The following KCNIP1 variants were observed in gnomAD, a reference collection of about 807,000 sequenced individuals.
The protein encoded by KCNIP1 is potassium voltage-gated channel interacting protein 1, also known as A-type potassium channel modulatory protein KCNIP1.
In KCNIP1, 18 loss-of-function variants were observed where a neutral mutation model predicts 33.0. That is an observed-to-expected ratio of 0.55 (90% CI 0.38 to 0.81). The LOEUF is 0.81. Ranked by LOEUF, KCNIP1 falls within the 30% of genes least tolerant of loss-of-function variation. The probability of loss-of-function intolerance (pLI) is 0.00; values close to 1 mark genes in which losing one functional copy is unlikely to be tolerated. For synonymous variants in KCNIP1, 93 were observed against 98.3 expected (o/e 0.95, Z 0.32); for missense variants, 238 against 271.6 (o/e 0.88, Z 0.87).
chr5:170,619,297 G>A (rs762400711), intron 1 of KCNIP1, among the ~76,000 whole-genome samples: 1 of 152,174 alleles, frequency 6.6e-6, no homozygotes. Flanking sequence ...TTCACAGCCT[G>A]TCTCTGGTCA....
chr5:170,508,707 C>G (rs1754812540), intron 1 of KCNIP1, among the ~76,000 whole-genome samples: 1 of 152,196 alleles, frequency 6.6e-6, no homozygotes. Context: ...CTCTCCCACC[C>G]CACCCCTTGC....
chr5:170,665,183 T>A (rs1038756630), intron 1 of KCNIP1, among the ~76,000 whole-genome samples: 6 of 152,214 alleles, frequency 3.9e-5, no homozygotes, highest in African/African-American at 1.4e-4. Flanking sequence ...ACAGACCCAG[T>A]GGCTTATTGA....
intron 1 of KCNIP1, among the ~76,000 whole-genome samples, chr5:170,496,244 G>A (rs185281782): frequency 1.3e-5 from 2 of 152,316 alleles, no homozygotes; most frequent in African/African-American, 4.8e-5. Flanking sequence ...AAGGGCTGGG[G>A]ACCCTTGTCC....
At chr5:170,658,825 T>C (rs1179594955) in intron 1 of KCNIP1, among the ~76,000 whole-genome samples, 1 of 152,170 alleles carries the variant, frequency 6.6e-6, no homozygotes, top group African/African-American at 2.4e-5. Flanking sequence ...ACTGCACCAG[T>C]CCCAAATTCC....
chr5:170,617,434 A>G (rs1759427176), intron 1 of KCNIP1, among the ~76,000 whole-genome samples: 1 of 152,160 alleles, frequency 6.6e-6, no homozygotes, highest in African/African-American at 2.4e-5. Context: ...TGGCTTCCAT[A>G]TGTCCCTGGC....
At chr5:170,644,648 G>T (rs1026697484) in intron 1 of KCNIP1, among the ~76,000 whole-genome samples, 1 of 152,248 alleles carries the variant, frequency 6.6e-6, no homozygotes, top group African/African-American at 2.4e-5. Context: ...GAGGTTTCCA[G>T]CTACCAGAAA....
intron 1 of KCNIP1, among the ~76,000 whole-genome samples, chr5:170,421,107 G>A (rs1755477249): frequency 6.6e-6 from 1 of 152,178 alleles, no homozygotes; most frequent in East Asian, 1.9e-4. Flanking sequence ...TCCCCGGAAA[G>A]AGCTTGGGGT....
At chr5:170,668,184 C>G (rs1761778468) in intron 1 of KCNIP1, among the ~76,000 whole-genome samples, 1 of 152,214 alleles carries the variant, frequency 6.6e-6, no homozygotes, top group African/African-American at 2.4e-5. Flanking sequence ...AAGCATGGAG[C>G]TGATGGGCAA....
At chr5:170,390,675 G>A (rs917406738) in intron 1 of KCNIP1, among the ~76,000 whole-genome samples, 13 of 151,788 alleles carry the variant, frequency 8.6e-5, no homozygotes, top group African/African-American at 3.2e-4. Context: ...TTGGAGGCTT[G>A]AAGTCACTGG....
chr5:170,484,009 A>G (rs1380682565), intron 1 of KCNIP1: 1 of 152,182 alleles, frequency 6.6e-6, no homozygotes, highest in Non-Finnish European at 1.5e-5. Context: ...AATTTCTTAG[A>G]CAAGTTCTCA....
chr5:170,573,859 G>A (rs1757505065), intron 1 of KCNIP1, among the ~76,000 whole-genome samples: 3 of 152,128 alleles, frequency 2.0e-5, no homozygotes, highest in African/African-American at 4.8e-5. Context: ...ACAGAAAGTT[G>A]GACAATTCCT....
chr5:170,729,453 A>G (rs962121094), intron 5 of KCNIP1, among the ~76,000 whole-genome samples: 1 of 152,096 alleles, frequency 6.6e-6, no homozygotes, highest in African/African-American at 2.4e-5. Context: ...TATCTAGCAC[A>G]TGGTAGATGC....
chr5:170,572,240 C>A (rs1468191522), intron 1 of KCNIP1, among the ~76,000 whole-genome samples: 5 of 152,240 alleles, frequency 3.3e-5, no homozygotes, highest in African/African-American at 1.2e-4. Flanking sequence ...CTCAATTGAA[C>A]ACGCACAGGC....
rs536523389 is a variant in KCNIP1, at chr5:170,733,951, G to T, written c.603+53G>T. 68 of 1,491,750 alleles carry T rather than the reference G, an allele frequency of 4.6e-5. 1 individual carries two copies. The South Asian group carries it at 7.6e-4, about 17-fold the overall frequency. The allele number at this position is 1,491,750 out of a possible 1,614,324, so 92.4% of individuals were successfully genotyped here. ...CTCTACATCTGGGAAAGGAAACCTG[G>T]GGCCTGGGGACCTGCAGAAGGAAGG... On this transcript the variant is annotated intron_variant, in intron 7 of 7. Transcript: ENST00000328939.
intron 1 of KCNIP1, among the ~76,000 whole-genome samples, chr5:170,611,075 C>A (rs1356941417): frequency 1.3e-5 from 2 of 152,232 alleles, no homozygotes; most frequent in African/African-American, 4.8e-5. Flanking sequence ...TGATTCCAGG[C>A]CTTCTGGCTT....
At chr5:170,711,041 T>C (rs1367002731) in intron 1 of KCNIP1, among the ~76,000 whole-genome samples, 2 of 152,230 alleles carry the variant, frequency 1.3e-5, no homozygotes, top group African/African-American at 2.4e-5. Flanking sequence ...ACCAAATTCA[T>C]TGATAACAGC....
chr5:170,407,885 C>T (rs574918239), intron 1 of KCNIP1, among the ~76,000 whole-genome samples: 1 of 124,290 alleles, frequency 8.0e-6, no homozygotes, highest in East Asian at 2.2e-4. Flanking sequence ...GTGACAGTGA[C>T]CTTCAAACTA....
chr5:170,684,112 G>C (rs573113851), intron 1 of KCNIP1, among the ~76,000 whole-genome samples: 1 of 152,332 alleles, frequency 6.6e-6, no homozygotes, highest in East Asian at 1.9e-4. Context: ...AGAGTCAAAA[G>C]AGCTGGGTTG....
At chr5:170,546,452 A>T (rs193058972) in intron 1 of KCNIP1, among the ~76,000 whole-genome samples, 51 of 152,240 alleles carry the variant, frequency 3.3e-4, no homozygotes, top group African/African-American at 1.2e-3. Context: ...TCTTGTTTCC[A>T]ATCCATCATG....
Sources: gnomAD v4.1 joint callset for allele counts (sites outside exome capture counted in the v4.1 genomes callset) on GRCh38, gnomAD v4.1.1 for gene constraint, MANE v1.5 for transcripts, NCBI Gene and HGNC (gene_info 2026-07-23, HGNC 2026-07-21) for gene names.